The following TET1 variants were observed in gnomAD, a reference collection of about 807,000 sequenced individuals.
TET1 encodes methylcytosine dioxygenase TET1.
In TET1, 13 loss-of-function variants were observed where a neutral mutation model predicts 148.7. The observed-to-expected ratio is 0.09, with a 90% confidence interval of 0.06 to 0.14. The LOEUF (loss-of-function observed/expected upper bound fraction) is 0.14. Ranked by LOEUF, TET1 falls within the 10% of genes least tolerant of loss-of-function variation. The probability of loss-of-function intolerance (pLI) is 1.00; values close to 1 mark genes in which losing one functional copy is unlikely to be tolerated. For synonymous variants in TET1, 907 were observed against 937.2 expected (o/e 0.97, Z 0.59); for missense variants, 2,182 against 2,553.8 (o/e 0.85, Z 3.14).
chr10:68,562,701 C>T (rs2053566906), intron 1 of TET1, among the ~76,000 whole-genome samples: 1 of 151,370 alleles, frequency 6.6e-6, no homozygotes, highest in Non-Finnish European at 1.5e-5. Flanking sequence ...CCGGGCTGGT[C>T]TCCCAGAATA....
At chr10:68,564,148 A>G (rs1219891851) in intron 1 of TET1, among the ~76,000 whole-genome samples, 1 of 146,918 alleles carries the variant, frequency 6.8e-6, no homozygotes, top group Non-Finnish European at 1.5e-5. Context: ...AAAATGTTCT[A>G]TTGTTTTCTT....
chr10:68,624,671 TCTC>T, intron 3 of TET1, among the ~76,000 whole-genome samples: 1 of 97,890 alleles, frequency 1.0e-5, no homozygotes, highest in East Asian at 2.8e-4. Context: ...TCTCTCTCTC[TCTC>T]TCTCTCTCTC....
Position 68,631,437 on chromosome 10 carries a change from T to C in TET1, c.1969-13261T>C, listed in dbSNP as rs1025838373. On this transcript the variant is annotated intron_variant, in intron 3 of 11. Coordinates refer to ENST00000373644, the MANE Select transcript of TET1 (RefSeq NM_030625.3). ...GAAGATTTTGTTTTCTTTCTTCTTT[T>C]TTTTTTTTTTTTTTTTTTGTATTTT... Among the ~76,000 whole-genome samples the C allele has an allele frequency of 5.8e-3, 780 of 135,348 alleles. 3 individuals carry two copies. Among genetic ancestry groups the C allele is most frequent in the Non-Finnish European group, 8.8e-3 (576 of 65,656 alleles). The allele number at this position is 135,348 out of a possible 152,430, so 88.8% of individuals were successfully genotyped here.
intron 3 of TET1, among the ~76,000 whole-genome samples, chr10:68,608,419 T>C (rs2054156945): frequency 6.7e-6 from 1 of 150,288 alleles, no homozygotes; most frequent in Non-Finnish European, 1.5e-5. Flanking sequence ...TTATTTTCAG[T>C]AGAGATGGGG....
rs1429111804 is a variant in TET1 at position 68,644,755 on chromosome 10, A to G, written c.2026A>G (p.Arg676Gly). The change falls in exon 4 of 12, where the codon AGA becomes GGA. Residue 676 changes from arginine (R) to glycine (G), a missense_variant. Physicochemically the swap from Arg to Gly is moderately radical, Grantham distance 125. Around this residue, in one of 11 missense-constraint regions of TET1, gnomAD observed 226 missense variants for 307.4 expected, o/e 0.74. Coordinates refer to ENST00000373644, the MANE Select transcript of TET1 (RefSeq NM_030625.3). ...CAAGTCAGAATCCATGGACTACAGT[A>G]GATGTGGTCATGGGGAAGAACAAAA... ...GPKSESMDYS[R>G]CGHGEEQKLE... 3.7e-6 allele frequency: 6 copies of G among 1,611,698 alleles called. No homozygotes were observed. In the East Asian group the frequency reaches 6.7e-5, roughly 18 times the overall value.
chr10:68,632,984 G>A (rs558267337), intron 3 of TET1, among the ~76,000 whole-genome samples: 3 of 152,142 alleles, frequency 2.0e-5, no homozygotes. Flanking sequence ...AGGAGTTCGA[G>A]AGCAGCTTGT....
In TET1 at chr10:68,684,652, T is replaced by G. The variant is rs77976327; in HGVS notation, c.5052+1679T>G. On this transcript the variant is annotated intron_variant, in intron 10 of 11. Coordinates refer to ENST00000373644, the MANE Select transcript of TET1 (RefSeq NM_030625.3). ...CCGGATTACTCACTCAATGAGGGTCTTATCCGGAACTTGACATCACTCCAA... is the reference window on the plus strand; with the variant it reads ...CCGGATTACTCACTCAATGAGGGTCGTATCCGGAACTTGACATCACTCCAA... Among the ~76,000 whole-genome samples the G allele has an allele frequency of 2.6e-3, 397 of 152,330 alleles. 13 individuals are homozygous for G. In the East Asian group the frequency reaches 0.072, roughly 28 times the overall value.
chr10:68,639,087 G>C (rs560592849), intron 3 of TET1, among the ~76,000 whole-genome samples: 2 of 152,106 alleles, frequency 1.3e-5, no homozygotes, highest in African/African-American at 4.8e-5. Flanking sequence ...AAAAGTTCAA[G>C]GGTTCTTAAT....
intron 7 of TET1, among the ~76,000 whole-genome samples, chr10:68,667,689 C>A (rs6480353): frequency 0.87 from 131,062 of 151,222 alleles, 57,913 homozygotes; most frequent in East Asian, 0.98. Flanking sequence ...GCTTGCAGTG[C>A]GCTGAGATTG....
At chr10:68,622,049 A>T (rs1243321265) in intron 3 of TET1, among the ~76,000 whole-genome samples, 1 of 152,218 alleles carries the variant, frequency 6.6e-6, no homozygotes, top group Admixed American at 6.6e-5. Context: ...AGTCAAAACT[A>T]AGATGTTAAC....
chr10:68,669,545 G>A lies in TET1; in HGVS notation c.4673+2289G>A, dbSNP rs112319667. Among the ~76,000 whole-genome samples, 31 of 143,712 alleles carry A rather than the reference G, an allele frequency of 2.2e-4. 1 individual carries two copies. Among genetic ancestry groups the A allele is most frequent in the East Asian group, 6.2e-4 (3 of 4,826 alleles). The allele number at this position is 143,712 out of a possible 152,430, so 94.3% of individuals were successfully genotyped here. A position where few individuals can be genotyped will look rare whatever the true frequency, so the allele number is the denominator to read the frequency against. On this transcript the variant is annotated intron_variant, in intron 7 of 11. Coordinates refer to ENST00000373644, the MANE Select transcript of TET1 (RefSeq NM_030625.3). The stretch of plus-strand genomic sequence containing the variant: ...TTTTTTTTGTATTTTTAGTAGAGAC[G>A]GGGTTTCACCATGTTAGCCAGGATG...
At chr10:68,681,977 A>AG (rs2055440415) in intron 9 of TET1, among the ~76,000 whole-genome samples, 1 of 150,994 alleles carries the variant, frequency 6.6e-6, no homozygotes, top group South Asian at 2.1e-4. Flanking sequence ...CAAAAAAAAA[A>AG]ACAAAAAAAA....
Position 68,685,220 on chromosome 10 carries a change from T to C in TET1, c.5053-1136T>C, listed in dbSNP as rs117776556. Among the ~76,000 whole-genome samples the C allele has an allele frequency of 6.5e-3, 996 of 152,338 alleles. 12 individuals carry two copies. The highest frequency in any genetic ancestry group is 0.011 in the Non-Finnish European group (774 of 68,036). On this transcript the variant is annotated intron_variant, in intron 10 of 11. Coordinates refer to ENST00000373644, the MANE Select transcript of TET1 (RefSeq NM_030625.3). ...AAACATATATTTATATTTTAGACTT[T>C]GCTGAAAAATGTGACTACAGATATT...
intron 2 of TET1, among the ~76,000 whole-genome samples, chr10:68,595,979 TATATACAC>T (rs1564958925): frequency 2.3e-4 from 7 of 30,348 alleles, no homozygotes; most frequent in African/African-American, 7.5e-4. Context: ...CACACACACA[TATATACAC>T]ACACACACAC....
intron 1 of TET1, among the ~76,000 whole-genome samples, chr10:68,567,586 G>A (rs1427613333): frequency 6.6e-6 from 1 of 151,588 alleles, no homozygotes; most frequent in African/African-American, 2.4e-5. Context: ...GAGCCACTGT[G>A]CTTGGCCAGG....
intron 3 of TET1, among the ~76,000 whole-genome samples, chr10:68,624,253 T>C (rs67357905): frequency 0.28 from 42,277 of 148,532 alleles, 7,310 homozygotes; most frequent in Middle Eastern, 0.4. Flanking sequence ...CGTGCCACCA[T>C]GCCTGGCTAA....
At chr10:68,617,316 G>C (rs1029676258) in intron 3 of TET1, among the ~76,000 whole-genome samples, 1 of 151,746 alleles carries the variant, frequency 6.6e-6, no homozygotes, top group African/African-American at 2.4e-5. Flanking sequence ...TAGCCACCGC[G>C]CCTGGCCAAT....
intron 10 of TET1, among the ~76,000 whole-genome samples, chr10:68,684,771 T>TTTATTGGTTTACTCTCTACTCC (rs1248231334): frequency 5.3e-5 from 8 of 152,170 alleles, no homozygotes; most frequent in African/African-American, 9.7e-5. Flanking sequence ...TTTTATTTTT[T>TTTATTGGTTTACTCTCTACTCC]TTATTGGTTT....
chr10:68,596,949 A>G (rs2132859074), intron 2 of TET1, among the ~76,000 whole-genome samples: 1 of 151,954 alleles, frequency 6.6e-6, no homozygotes, highest in South Asian at 2.1e-4. Flanking sequence ...CCTCTCAGCA[A>G]TATAGATATT....
Sources: gnomAD v4.1 joint callset for allele counts (sites outside exome capture counted in the v4.1 genomes callset) on GRCh38, gnomAD v4.1.1 for gene constraint, gnomAD v4.1.1 regional missense constraint, MANE v1.5 for transcripts, NCBI Gene and HGNC (gene_info 2026-07-23, HGNC 2026-07-21) for gene names.